OR1J2: variants seen among roughly 807,000 people sequenced by gnomAD.
OR1J2 encodes the protein olfactory receptor 1J2.
For synonymous variants in OR1J2, 142 were observed against 99.7 expected (o/e 1.42, Z -2.52); for missense variants, 304 against 246.1 (o/e 1.24, Z -1.57).
the OR1J2 span, among the ~76,000 whole-genome samples, chr9:122,517,865 C>T: frequency 6.6e-6 from 1 of 152,128 alleles, no homozygotes; most frequent in Non-Finnish European, 1.5e-5. Context: ...TCCTGATGCT[C>T]TCACCCCCTC....
chr9:122,575,745 C>G, the OR1J2 span, among the ~76,000 whole-genome samples: 8 of 152,136 alleles, frequency 5.3e-5, no homozygotes, highest in Non-Finnish European at 8.8e-5. Flanking sequence ...CTCACAGTTA[C>G]TTTTTTGTGA....
the OR1J2 span, among the ~76,000 whole-genome samples, chr9:122,488,386 G>A: frequency 5.3e-5 from 8 of 152,252 alleles, no homozygotes; most frequent in East Asian, 3.9e-4. Flanking sequence ...TGATCTGCCC[G>A]CCTCAGCCTC....
At chr9:122,503,718 C>T in the OR1J2 span, among the ~76,000 whole-genome samples, 1 of 152,220 alleles carries the variant, frequency 6.6e-6, no homozygotes, top group Non-Finnish European at 1.5e-5. Flanking sequence ...CTCTTACTCC[C>T]TCCAGGCCCC....
chr9:122,550,779 C>A, the OR1J2 span, among the ~76,000 whole-genome samples: 1 of 151,736 alleles, frequency 6.6e-6, no homozygotes, highest in African/African-American at 2.4e-5. Context: ...TGTGACAAAC[C>A]CATAGCCAGC....
chr9:122,450,482 C>T, the OR1J2 span, among the ~76,000 whole-genome samples: 1 of 152,042 alleles, frequency 6.6e-6, no homozygotes, highest in Non-Finnish European at 1.5e-5. Flanking sequence ...AAATAATAAA[C>T]ATATATATTT....
chr9:122,489,591 T>G, the OR1J2 span, among the ~76,000 whole-genome samples: 64 of 152,284 alleles, frequency 4.2e-4, no homozygotes, highest in African/African-American at 1.5e-3. Context: ...TCAACTTGTT[T>G]TTGCAATTAT....
At chr9:122,571,694 G>A in the OR1J2 span, among the ~76,000 whole-genome samples, 6 of 148,528 alleles carry the variant, frequency 4.0e-5, no homozygotes, top group South Asian at 2.1e-4. Context: ...CCAGCCTGGC[G>A]ACAGAGCGAG....
chr9:122,558,481 G>A, the OR1J2 span, among the ~76,000 whole-genome samples: 2 of 151,278 alleles, frequency 1.3e-5, no homozygotes, highest in African/African-American at 4.8e-5. Context: ...GGGCTAAAGT[G>A]GCTTTGAGTG....
chr9:122,469,991 A>C, the OR1J2 span, among the ~76,000 whole-genome samples: 1 of 152,218 alleles, frequency 6.6e-6, no homozygotes, highest in African/African-American at 2.4e-5. Flanking sequence ...AGCAGAGCAT[A>C]AAAGTTTGGA....
At chr9:122,538,434 G>A in the OR1J2 span, among the ~76,000 whole-genome samples, 1 of 151,938 alleles carries the variant, frequency 6.6e-6, no homozygotes, top group African/African-American at 2.4e-5. Flanking sequence ...CTCAGCTACA[G>A]TGTTGTTGGT....
chr9:122,559,387 T>G, the OR1J2 span, among the ~76,000 whole-genome samples: 1 of 152,086 alleles, frequency 6.6e-6, no homozygotes, highest in South Asian at 2.1e-4. Flanking sequence ...TGTGCCATAG[T>G]GGTTTGTTGC....
chr9:122,466,489 A>G, the OR1J2 span, among the ~76,000 whole-genome samples: 1 of 152,220 alleles, frequency 6.6e-6, no homozygotes, highest in African/African-American at 2.4e-5. Flanking sequence ...ATGGAAAACT[A>G]TGTCCACTTC....
chr9:122,553,217 A>G, the OR1J2 span: 1 of 1,613,578 alleles, frequency 6.2e-7, no homozygotes, highest in Non-Finnish European at 8.5e-7. Context: ...AAGGGATGGG[A>G]AAACCAGGCA....
chr9:122,477,629 G>T, the OR1J2 span: 3 of 1,614,110 alleles, frequency 1.9e-6, no homozygotes, highest in Admixed American at 1.7e-5. Flanking sequence ...AAATATGTCT[G>T]TGAAATGCAT....
At chr9:122,534,215 T>G in the OR1J2 span, among the ~76,000 whole-genome samples, 16 of 152,294 alleles carry the variant, frequency 1.1e-4, no homozygotes, top group East Asian at 3.1e-3. Context: ...GGCAAGGAAT[T>G]GTATACCTTG....
the OR1J2 span, chr9:122,553,190 C>A: frequency 3.7e-6 from 6 of 1,610,434 alleles, no homozygotes; most frequent in Non-Finnish European, 5.1e-6. Flanking sequence ...TTTATCTGCG[C>A]AGATCACACG....
the OR1J2 span, among the ~76,000 whole-genome samples, chr9:122,480,105 T>C: frequency 6.6e-6 from 1 of 152,198 alleles, no homozygotes; most frequent in Admixed American, 6.5e-5. Context: ...ACTCTTTTTT[T>C]TAATAAAAAG....
chr9:122,566,957 G>T, the OR1J2 span, among the ~76,000 whole-genome samples: 1 of 150,760 alleles, frequency 6.6e-6, no homozygotes, highest in Admixed American at 6.6e-5. Context: ...AAATATAAGA[G>T]GAAATTAAAA....
chr9:122,578,172 T>C, the OR1J2 span, among the ~76,000 whole-genome samples: 1 of 152,186 alleles, frequency 6.6e-6, no homozygotes, highest in Non-Finnish European at 1.5e-5. Flanking sequence ...TATACAAGGC[T>C]GAGTGCAGTG....
Sources: gnomAD v4.1 joint callset for allele counts (sites outside exome capture counted in the v4.1 genomes callset) on GRCh38, gnomAD v4.1.1 for gene constraint, MANE v1.5 for transcripts, NCBI Gene and HGNC (gene_info 2026-07-23, HGNC 2026-07-21) for gene names.